The following ZNF385D variants were observed in gnomAD, a reference collection of about 807,000 sequenced individuals.
ZNF385D encodes the protein zinc finger protein 659.
A neutral mutation model predicts 35.8 loss-of-function variants in ZNF385D; 15 were observed. That is an observed-to-expected ratio of 0.42 (90% CI 0.28 to 0.64). The LOEUF is 0.64. Among genes scored for constraint, ZNF385D ranks in the 30% least tolerant of loss-of-function variants. The pLI is 0.23. For synonymous variants in ZNF385D, 212 were observed against 186.8 expected (o/e 1.13, Z -1.10); for missense variants, 474 against 494.6 (o/e 0.96, Z 0.39).
At chr3:21,445,278 G>A (rs1232751891) in intron 4 of ZNF385D, among the ~76,000 whole-genome samples, 1 of 152,178 alleles carries the variant, frequency 6.6e-6, no homozygotes, top group Non-Finnish European at 1.5e-5. Flanking sequence ...AGATGTAAAA[G>A]GGTGACTGAC....
intron 3 of ZNF385D, among the ~76,000 whole-genome samples, chr3:22,022,159 A>T (rs908433138): frequency 6.6e-6 from 1 of 152,138 alleles, no homozygotes; most frequent in Non-Finnish European, 1.5e-5. Flanking sequence ...CATCACCTAG[A>T]ATTATAAATC....
At chr3:21,865,543 C>T (rs1043586020) in intron 3 of ZNF385D, among the ~76,000 whole-genome samples, 1 of 152,224 alleles carries the variant, frequency 6.6e-6, no homozygotes, top group African/African-American at 2.4e-5. Context: ...ACTATATTGT[C>T]AATGTGCATT....
intron 2 of ZNF385D, among the ~76,000 whole-genome samples, chr3:22,199,058 A>G (rs1696610409): frequency 6.6e-6 from 1 of 152,066 alleles, no homozygotes; most frequent in Non-Finnish European, 1.5e-5. Context: ...TTGGTCTCGT[A>G]TTTTACTTCT....
intron 1 of ZNF385D, among the ~76,000 whole-genome samples, chr3:21,686,509 A>G (rs923126409): frequency 6.6e-6 from 1 of 152,198 alleles, no homozygotes; most frequent in African/African-American, 2.4e-5. Flanking sequence ...TAGTAGCCAC[A>G]CCAAAAAGTA....
rs191229464 is a variant in ZNF385D at position 22,041,863 on chromosome 3, T to A, written c.325+126954A>T. ...AATGTTCAGGTAGGGAAATGGACAG[T>A]TCAATCAGGTTATAATATCTGTGTT... On this transcript the variant is annotated intron_variant, in intron 3 of 5. Transcript: ENST00000494108. 1.4e-3 allele frequency among the ~76,000 whole-genome samples: 206 copies of A among 151,938 alleles called. 2 individuals are homozygous for A. The highest frequency in any genetic ancestry group is 0.011 in the South Asian group (53 of 4,768).
chr3:21,858,611 T>C (rs2125825052), intron 3 of ZNF385D, among the ~76,000 whole-genome samples: 1 of 152,026 alleles, frequency 6.6e-6, no homozygotes, highest in South Asian at 2.1e-4. Flanking sequence ...CAGGAGACAC[T>C]GCATCTGCTG....
chr3:21,471,908 A>T (rs553672375), intron 4 of ZNF385D, among the ~76,000 whole-genome samples: 13 of 152,224 alleles, frequency 8.5e-5, no homozygotes, highest in African/African-American at 3.1e-4. Context: ...TTCCCATTTT[A>T]TTACATACAT....
chr3:22,078,430 C>T (rs546492388), intron 3 of ZNF385D, among the ~76,000 whole-genome samples: 65 of 152,004 alleles, frequency 4.3e-4, no homozygotes, highest in Non-Finnish European at 7.2e-4. Context: ...TGAATGTGTC[C>T]TTCTCAATTA....
intron 3 of ZNF385D, among the ~76,000 whole-genome samples, chr3:21,872,195 G>A (rs906562165): frequency 6.6e-6 from 1 of 151,514 alleles, no homozygotes; most frequent in Non-Finnish European, 1.5e-5. Context: ...CACAAAAACA[G>A]AACAGAAATT....
chr3:21,994,310 A>G (rs561103817), intron 3 of ZNF385D, among the ~76,000 whole-genome samples: 1 of 152,210 alleles, frequency 6.6e-6, no homozygotes, highest in Non-Finnish European at 1.5e-5. Context: ...ATTATGCCAA[A>G]GTGTTAATCC....
At chr3:22,015,381 A>G (rs1035499125) in intron 3 of ZNF385D, among the ~76,000 whole-genome samples, 1 of 152,178 alleles carries the variant, frequency 6.6e-6, no homozygotes. Flanking sequence ...CATATCATGA[A>G]CACCTAAGTC....
chr3:22,235,172 C>G (rs1699108473), intron 2 of ZNF385D, among the ~76,000 whole-genome samples: 1 of 151,972 alleles, frequency 6.6e-6, no homozygotes, highest in Non-Finnish European at 1.5e-5. Context: ...CTATATGAAT[C>G]TGGAATTTTA....
At chr3:21,634,534 C>T (rs1282597851) in intron 2 of ZNF385D, among the ~76,000 whole-genome samples, 1 of 151,920 alleles carries the variant, frequency 6.6e-6, no homozygotes, top group Non-Finnish European at 1.5e-5. Context: ...AATATATATA[C>T]CTTTTTTAGT....
chr3:21,848,600 G>A (rs985991340), intron 3 of ZNF385D, among the ~76,000 whole-genome samples: 1 of 151,916 alleles, frequency 6.6e-6, no homozygotes, highest in Admixed American at 6.6e-5. Flanking sequence ...AGAGACTAAT[G>A]TGAATGATTA....
At chr3:21,448,040 A>G (rs897043516) in intron 4 of ZNF385D, among the ~76,000 whole-genome samples, 22 of 152,284 alleles carry the variant, frequency 1.4e-4, no homozygotes, top group African/African-American at 4.8e-5. Flanking sequence ...TTTTCATTAC[A>G]GTGTTAGTAT....
chr3:21,501,235 C>G (rs1706337778), intron 4 of ZNF385D, among the ~76,000 whole-genome samples: 1 of 152,172 alleles, frequency 6.6e-6, no homozygotes, highest in Non-Finnish European at 1.5e-5. Context: ...GGGACAGCTT[C>G]TTCCTTCTGC....
intron 3 of ZNF385D, among the ~76,000 whole-genome samples, chr3:21,913,910 T>A (rs1700078399): frequency 6.6e-6 from 1 of 152,128 alleles, no homozygotes; most frequent in African/African-American, 2.4e-5. Context: ...GTTATTTTTG[T>A]TCACAGCCAC....
At chr3:21,463,626 C>T (rs910722940) in intron 4 of ZNF385D, among the ~76,000 whole-genome samples, 2 of 152,096 alleles carry the variant, frequency 1.3e-5, no homozygotes, top group Non-Finnish European at 2.9e-5. Context: ...TTTCTCTCAC[C>T]CAAGGCTCCA....
chr3:22,025,198 A>T (rs1486995015), intron 3 of ZNF385D, among the ~76,000 whole-genome samples: 1 of 152,128 alleles, frequency 6.6e-6, no homozygotes, highest in Non-Finnish European at 1.5e-5. Context: ...CTCCTCACCC[A>T]TGCTGCCATC....
Sources: allele counts gnomAD v4.1 joint callset (sites outside exome capture counted in the v4.1 genomes callset), GRCh38; gene constraint gnomAD v4.1.1; transcripts MANE v1.5; gene names NCBI Gene and HGNC (gene_info 2026-07-23, HGNC 2026-07-21).